PDCD1LG2: variants seen among roughly 807,000 people sequenced by gnomAD.
The protein encoded by PDCD1LG2 is B7 dendritic cell molecule.
PDCD1LG2 carries 32 observed loss-of-function variants against 28.2 expected under a neutral mutation model. The ratio of observed to expected loss-of-function variants is 1.13; its 90% CI spans 0.86 to 1.52. The LOEUF is 1.52. PDCD1LG2 is among the 40% of genes most tolerant of loss of function. The pLI is 0.00. For synonymous variants in PDCD1LG2, 116 were observed against 120.2 expected (o/e 0.97, Z 0.23); for missense variants, 385 against 323.8 (o/e 1.19, Z -1.45).
chr9:5,542,383 A>G (rs1158343668), intron 3 of PDCD1LG2, among the ~76,000 whole-genome samples: 2 of 152,256 alleles, frequency 1.3e-5, no homozygotes, highest in African/African-American at 4.8e-5. Flanking sequence ...AGAAATAATC[A>G]GCAGAGTTAA....
chr9:5,532,224 G>T (rs529489713), intron 2 of PDCD1LG2, among the ~76,000 whole-genome samples: 2 of 152,300 alleles, frequency 1.3e-5, no homozygotes, highest in South Asian at 2.1e-4. Flanking sequence ...TTATAGCCCT[G>T]CCCCTGTGCC....
At chr9:5,551,161 T>C (rs1207629547) in intron 4 of PDCD1LG2, among the ~76,000 whole-genome samples, 1 of 152,208 alleles carries the variant, frequency 6.6e-6, no homozygotes, top group Non-Finnish European at 1.5e-5. Flanking sequence ...GTTCCAGGGA[T>C]TAGAATATGG....
intron 3 of PDCD1LG2, among the ~76,000 whole-genome samples, chr9:5,545,019 A>G (rs1816157386): frequency 1.3e-5 from 2 of 152,244 alleles, no homozygotes; most frequent in South Asian, 4.1e-4. Flanking sequence ...AGATATAGTT[A>G]AAGGAGGTAG....
intron 3 of PDCD1LG2, among the ~76,000 whole-genome samples, chr9:5,547,468 G>A (rs909380804): frequency 6.6e-6 from 1 of 152,124 alleles, no homozygotes; most frequent in Non-Finnish European, 1.5e-5. Flanking sequence ...AAGACCACTG[G>A]AAGGTTTGTT....
At chr9:5,515,942 A>G (rs865881721) in intron 1 of PDCD1LG2, among the ~76,000 whole-genome samples, 1 of 150,026 alleles carries the variant, frequency 6.7e-6, no homozygotes, top group Non-Finnish European at 1.5e-5. Context: ...AAAAAAAAAA[A>G]AAAAAAAGAA....
At chr9:5,553,852 C>A (rs775198035) in intron 4 of PDCD1LG2, among the ~76,000 whole-genome samples, 1 of 152,178 alleles carries the variant, frequency 6.6e-6, no homozygotes, top group African/African-American at 2.4e-5. Context: ...ACTTTGTATT[C>A]GTCCTACTGT....
intron 1 of PDCD1LG2, among the ~76,000 whole-genome samples, chr9:5,513,854 C>A (rs1411171709): frequency 6.6e-6 from 1 of 152,202 alleles, no homozygotes; most frequent in East Asian, 1.9e-4. Flanking sequence ...GGACCTGGGG[C>A]AAACTCTGCA....
At chr9:5,553,694 A>T (rs1816381902) in intron 4 of PDCD1LG2, among the ~76,000 whole-genome samples, 1 of 152,194 alleles carries the variant, frequency 6.6e-6, no homozygotes, top group Non-Finnish European at 1.5e-5. Context: ...TGGCTTACTA[A>T]ATAGTCAACA....
chr9:5,559,965 C>T (rs2129932757), intron 5 of PDCD1LG2, among the ~76,000 whole-genome samples: 1 of 152,324 alleles, frequency 6.6e-6, no homozygotes, highest in South Asian at 2.1e-4. Context: ...ATTGTCTCTT[C>T]TTAAAATATT....
chr9:5,556,037 A>T (rs1444440198), intron 4 of PDCD1LG2, among the ~76,000 whole-genome samples: 1 of 152,224 alleles, frequency 6.6e-6, no homozygotes, highest in Non-Finnish European at 1.5e-5. Context: ...CTTTTCATGT[A>T]GCTGTTGCTT....
chr9:5,549,282 T>C (rs1816274566), intron 3 of PDCD1LG2, 53 bp from the exon 4 acceptor site: 1 of 1,521,408 alleles, frequency 6.6e-7, no homozygotes, highest in African/African-American at 1.4e-5. Context: ...AGTACCAAGC[T>C]CTATAGGAAT....
At position 5,510,690 on chromosome 9, in the gene PDCD1LG2, T is replaced by C. The variant is rs1005200973; in HGVS notation, c.-128T>C. The C allele has an allele frequency of 6.5e-6, 1 of 152,680 alleles. No individual in the cohort carries two copies. The highest frequency in any genetic ancestry group is 2.4e-5 in the African/African-American group (1 of 41,462). 9.5% of individuals were successfully genotyped at this position (152,680 alleles called of 1,614,324 possible). A position where few individuals can be genotyped will look rare whatever the true frequency, so the allele number is the denominator to read the frequency against. On this transcript the variant is annotated 5_prime_UTR_variant, in exon 1 of 7. Transcript: ENST00000397747. ...CTACTGCATGTTGATTGTTTTGTTTTTCCTTTTGGCTGTTCATTTTGGTGG... is the reference window on the plus strand; with the variant it reads ...CTACTGCATGTTGATTGTTTTGTTTCTCCTTTTGGCTGTTCATTTTGGTGG...
chr9:5,552,555 G>A (rs1334785004), intron 4 of PDCD1LG2, among the ~76,000 whole-genome samples: 1 of 152,140 alleles, frequency 6.6e-6, no homozygotes, highest in East Asian at 1.9e-4. Flanking sequence ...AAATGAGTTA[G>A]ACCTTGCACA....
intron 1 of PDCD1LG2, among the ~76,000 whole-genome samples, chr9:5,521,335 C>CA (rs1820269968): frequency 6.6e-6 from 1 of 152,152 alleles, no homozygotes; most frequent in African/African-American, 2.4e-5. Context: ...CTAAAAACCA[C>CA]AGAGTCGTGC....
chr9:5,524,704 T>G (rs995014024), intron 2 of PDCD1LG2, among the ~76,000 whole-genome samples: 3 of 151,692 alleles, frequency 2.0e-5, no homozygotes, highest in African/African-American at 7.3e-5. Context: ...GGGGAGGAGG[T>G]CTGGGATGGG....
At chr9:5,568,794 C>T (rs1816715664) in intron 6 of PDCD1LG2, among the ~76,000 whole-genome samples, 1 of 152,150 alleles carries the variant, frequency 6.6e-6, no homozygotes, top group Admixed American at 6.5e-5. Flanking sequence ...CACCTGTGCC[C>T]ATGAATTTTT....
At chr9:5,541,440 A>G (rs746128748) in intron 3 of PDCD1LG2, among the ~76,000 whole-genome samples, 1 of 152,226 alleles carries the variant, frequency 6.6e-6, no homozygotes, top group Non-Finnish European at 1.5e-5. Context: ...TGATATGATC[A>G]TATACCTAGA....
rs543920779 is a variant in PDCD1LG2 at position 5,515,111 on chromosome 9, G to A, written c.-15+4308G>A. Among the ~76,000 whole-genome samples the A allele has an allele frequency of 2.6e-5, 4 of 152,314 alleles. No homozygotes were observed. In the East Asian group the frequency reaches 7.7e-4, roughly 29 times the overall value. The stretch of plus-strand genomic sequence containing the variant: ...AGTATTTTTCACATACCTTGTCCAA[G>A]TTCCCACAAGCATTTCTGTTCACTA... On this transcript the variant is annotated intron_variant, in intron 1 of 6. Transcript: ENST00000397747.
At chr9:5,558,323 T>C (rs1009984138) in intron 5 of PDCD1LG2, among the ~76,000 whole-genome samples, 1 of 152,260 alleles carries the variant, frequency 6.6e-6, no homozygotes, top group Non-Finnish European at 1.5e-5. Context: ...TGTTGTATTC[T>C]TACCAACACA....
Sources: allele counts gnomAD v4.1 joint callset (sites outside exome capture counted in the v4.1 genomes callset), GRCh38; gene constraint gnomAD v4.1.1; transcripts MANE v1.5; gene names NCBI Gene and HGNC (gene_info 2026-07-23, HGNC 2026-07-21).